Variants in LOXL2 observed in about 807,000 individuals in gnomAD.
LOXL2 encodes lysyl oxidase like 2, also known as lysyl oxidase homolog 2.
LOXL2 carries 70 observed loss-of-function variants against 93.0 expected under a neutral mutation model. The ratio of observed to expected loss-of-function variants is 0.75; its 90% CI spans 0.62 to 0.92. The LOEUF is 0.92. Among genes scored for constraint, LOXL2 ranks in the 40% least tolerant of loss-of-function variants. The pLI is 0.00. For missense variants in LOXL2, 973 were observed against 1,054.9 expected, an observed-to-expected ratio of 0.92 and a Z score of 1.08; for synonymous variants, 438 against 413.2, an observed-to-expected ratio of 1.06 and a Z score of -0.73.
chr8:23,333,359 C>T, intron 5 of LOXL2, 42 bp downstream of exon 5: 2 of 1,577,264 alleles, frequency 1.3e-6, no homozygotes, highest in Non-Finnish European at 1.7e-6. Flanking sequence ...CCTCCCATCC[C>T]CTCCAGGTGC....
chr8:23,345,740 T>C (rs1020623542), intron 3 of LOXL2, among the ~76,000 whole-genome samples: 6 of 152,246 alleles, frequency 3.9e-5, no homozygotes, highest in African/African-American at 1.4e-4. Context: ...TTTTTTTCTT[T>C]TTTAAATGAA....
Position 23,322,276 on chromosome 8 carries a change from C to A in LOXL2, c.1156G>T (p.Gly386Ter), listed in dbSNP as rs201086267. ...VTGSRLGQGI[G>*]PIHLNEIQCT... ...TGGATCTCGTTGAGGTGGATGGGTC[C>A]GATCCCTGCAAGGGGAGAATAAACA... The change falls in exon 7 of 14, where the codon GGA becomes TGA. Residue 386 changes from glycine (G) to a stop codon, truncating the protein, a stop_gained. Transcript: ENST00000389131. LOFTEE classifies it high-confidence loss of function. The A allele has an allele frequency of 1.9e-6, 3 of 1,613,784 alleles. No individual in the cohort carries two copies. Among genetic ancestry groups the A allele is most frequent in the Admixed American group, 1.7e-5 (1 of 59,976 alleles).
At chr8:23,363,540 T>C (rs1367994884) in intron 2 of LOXL2, 1 of 152,188 alleles carries the variant, frequency 6.6e-6, no homozygotes, top group Non-Finnish European at 1.5e-5. Context: ...CTAAGCGGAA[T>C]GTTCTGTCGC....
chr8:23,404,088 C>A lies in LOXL2; in HGVS notation c.-218G>T, dbSNP rs946590172. ...GTCTCCGATGGCTGGAGAAAGCAAG[C>A]ACCAAGCGTAGGTAGCCGCGCGCTG... On this transcript the variant is annotated 5_prime_UTR_variant, in exon 1 of 14. Transcript: ENST00000389131. 2.4e-5 allele frequency: 5 copies of A among 210,520 alleles called. No individual in the cohort carries two copies. Among genetic ancestry groups the A allele is most frequent in the Admixed American group, 6.1e-5 (1 of 16,362 alleles). The allele number at this position is 210,520 out of a possible 1,614,324, so 13.0% of individuals were successfully genotyped here.
At chr8:23,328,780 TAG>T (rs1204351000) in intron 5 of LOXL2, 3 of 524,374 alleles carry the variant, frequency 5.7e-6, no homozygotes, top group Admixed American at 3.1e-5. Context: ...GCTTCCTCTA[TAG>T]AGTCAGCTCT....
intron 5 of LOXL2, 56 bp downstream of exon 5, chr8:23,333,345 A>C: frequency 6.6e-7 from 1 of 1,520,438 alleles, no homozygotes. Context: ...TACTCCCTCA[A>C]CACCCTCCCA....
chr8:23,305,028 G>A (rs1467080371), intron 10 of LOXL2, among the ~76,000 whole-genome samples: 4 of 152,166 alleles, frequency 2.6e-5, no homozygotes, highest in African/African-American at 4.8e-5. Context: ...CGCTAAGCCC[G>A]GGTTCCACTG....
At chr8:23,387,552 T>C (rs1044750057) in intron 1 of LOXL2, among the ~76,000 whole-genome samples, 4 of 152,204 alleles carry the variant, frequency 2.6e-5, no homozygotes, top group African/African-American at 9.7e-5. Flanking sequence ...CAGAATTTGG[T>C]TCAAATCTTA....
rs183370033 is a variant in LOXL2 at position 23,378,143 on chromosome 8, A to G, written c.-83-9709T>C. 1.2e-3 allele frequency among the ~76,000 whole-genome samples: 185 copies of G among 152,294 alleles called. 2 individuals carry two copies. In the East Asian group the frequency reaches 0.019, roughly 16 times the overall value. On this transcript the variant is annotated intron_variant, in intron 1 of 13. Coordinates refer to ENST00000389131, the MANE Select transcript of LOXL2 (RefSeq NM_002318.3). The stretch of plus-strand genomic sequence containing the variant: ...CTTGTAGGGCAGGCCTGGTGGTGAC[A>G]CAATCTCTCAGCATTTGCTTGTCTG...
chr8:23,319,528 C>T (rs1049645639), intron 8 of LOXL2, among the ~76,000 whole-genome samples: 16 of 152,148 alleles, frequency 1.1e-4, no homozygotes, highest in Non-Finnish European at 2.1e-4. Flanking sequence ...ACCACCTCCC[C>T]GAAGGACTGA....
intron 2 of LOXL2, chr8:23,364,857 A>G (rs1284677648): frequency 6.6e-6 from 1 of 152,254 alleles, no homozygotes; most frequent in Non-Finnish European, 1.5e-5. Context: ...AAAGGAAAGA[A>G]AAAAATCTGT....
chr8:23,301,989 C>CCCCCTGCAGGGCTGGAA (rs1332994087), intron 12 of LOXL2, 38 bp downstream of exon 12: 2 of 1,611,544 alleles, frequency 1.2e-6, no homozygotes, highest in Admixed American at 3.3e-5. Context: ...CTCCCCTCCT[C>CCCCCTGCAGGGCTGGAA]CCCCTGCAGG....
intron 1 of LOXL2, among the ~76,000 whole-genome samples, chr8:23,393,269 G>T (rs527839936): frequency 6.6e-6 from 1 of 152,332 alleles, no homozygotes; most frequent in South Asian, 2.1e-4. Flanking sequence ...ATTCTGAAAA[G>T]GAGAACGAAG....
In LOXL2 at chr8:23,302,076, C is replaced by T; in HGVS notation, c.2084G>A (p.Cys695Tyr). The change falls in exon 12 of 14, where the codon TGC becomes TAC. Residue 695 changes from cysteine to tyrosine, a missense_variant. Transcript: ENST00000389131. ...CACGTCAGTGATGTCAACCCACTGG[C>T]AGTCGATGTCATGGCGGTACATGTC... ...CWDMYRHDID[C>Y]QWVDITDVPP... The T allele has an allele frequency of 6.2e-7, 1 of 1,614,148 alleles. No individual in the cohort carries two copies. Among genetic ancestry groups the T allele is most frequent in the East Asian group, 2.2e-5 (1 of 44,878 alleles).
chr8:23,348,746 G>A (rs1335648384), intron 3 of LOXL2, among the ~76,000 whole-genome samples: 10 of 151,860 alleles, frequency 6.6e-5, no homozygotes, highest in African/African-American at 1.9e-4. Context: ...GCATGGTGGC[G>A]GGCACCTGTA....
intron 6 of LOXL2, 102 bp downstream of exon 6, chr8:23,328,280 G>A (rs1313732510): frequency 2.3e-6 from 3 of 1,280,940 alleles, no homozygotes; most frequent in Non-Finnish European, 3.3e-6. Flanking sequence ...AGGGAGGAGG[G>A]AAAGTGAGGA....
At chr8:23,387,841 T>C (rs1306660459) in intron 1 of LOXL2, among the ~76,000 whole-genome samples, 1 of 152,048 alleles carries the variant, frequency 6.6e-6, no homozygotes, top group Non-Finnish European at 1.5e-5. Context: ...TCCCAGCTAC[T>C]TGGGAGACTG....
chr8:23,354,947 ATATTTTTTTTTTTTT>A (rs1563200178), intron 3 of LOXL2, among the ~76,000 whole-genome samples: 1 of 54,078 alleles, frequency 1.8e-5, no homozygotes, highest in Non-Finnish European at 2.9e-5. Context: ...ATATATATAT[ATATTTTTTTTTTTTT>A]TTTTTTTTTT....
intron 6 of LOXL2, among the ~76,000 whole-genome samples, chr8:23,327,780 C>A (rs1373459913): frequency 6.6e-6 from 1 of 152,180 alleles, no homozygotes; most frequent in Admixed American, 6.5e-5. Flanking sequence ...CACTTTCCAC[C>A]AACGGACCCA....
Sources: gnomAD v4.1 joint callset for allele counts (sites outside exome capture counted in the v4.1 genomes callset) on GRCh38, gnomAD v4.1.1 for gene constraint, MANE v1.5 for transcripts, NCBI Gene and HGNC (gene_info 2026-07-23, HGNC 2026-07-21) for gene names.